CENPE: variants seen among roughly 807,000 people sequenced by gnomAD.
CENPE encodes centromere protein E.
Under a neutral mutation model 336.1 loss-of-function variants are expected in CENPE, and 145 were observed. The ratio of observed to expected loss-of-function variants is 0.43; its 90% confidence interval spans 0.38 to 0.50. CENPE has a LOEUF of 0.50. CENPE is among the 20% of genes least tolerant of loss of function. The pLI is 0.00. For synonymous variants in CENPE, 1,013 were observed against 984.8 expected (o/e 1.03, Z -0.54); for missense variants, 2,719 against 3,023.3 (o/e 0.90, Z 2.36).
chr4:103,112,763 T>C (rs1187858468), intron 46 of CENPE, among the ~76,000 whole-genome samples: 15 of 99,038 alleles, frequency 1.5e-4, no homozygotes, highest in African/African-American at 4.4e-4. Flanking sequence ...TGTATATATA[T>C]ACTTATAAGT....
chr4:103,194,193 C>T, intron 8 of CENPE, 36 bp downstream of exon 8: 1 of 1,532,056 alleles, frequency 6.5e-7, no homozygotes, highest in South Asian at 1.1e-5. Context: ...TTGTTTTGGC[C>T]CATACAGTAC....
Position 103,161,353 on chromosome 4 carries a change from C to T in CENPE, c.1947G>A (p.Leu649=), listed in dbSNP as rs775859844. The T allele has an allele frequency of 6.2e-7, 1 of 1,611,058 alleles. No homozygotes were observed. Among genetic ancestry groups the T allele is most frequent in the South Asian group, 1.1e-5 (1 of 90,336 alleles). ...TACTTACCATTTTCTCCTTCAGCTCCAGATTTTCACTTCTAAGAAAGGCTG... is the reference window on the plus strand; with the variant it reads ...TACTTACCATTTTCTCCTTCAGCTCTAGATTTTCACTTCTAAGAAAGGCTG... The part of the protein sequence containing the change: ...RESAFLRSEN[L]ELKEKMKELA... Residue 649 remains leucine, a synonymous_variant, in exon 19 of 49, where the codon CTG becomes CTA. Transcript: ENST00000265148.
Position 103,161,173 on chromosome 4 carries a change from T to C in CENPE, c.2044A>G (p.Met682Val), listed in dbSNP as rs1754408478. 6.2e-7 allele frequency: 1 copy of C among 1,612,456 alleles called. No individual in the cohort carries two copies. The highest frequency in any genetic ancestry group is 1.1e-5 in the South Asian group (1 of 90,880). ...YQSQLEAKKK[M>V]QVDLEKELQS... ...AATTCTTTCTCCAGATCAACTTGCA[T>C]TTTCTTTTTTGCCTCCAACTGGCTT... The change falls in exon 20 of 49, where the codon ATG becomes GTG. Residue 682 changes from methionine to valine, a missense_variant. Transcript: ENST00000265148.
chr4:103,186,032 T>C (rs1038283340), intron 8 of CENPE, among the ~76,000 whole-genome samples, 171 bp from the exon 9 acceptor site: 1 of 152,232 alleles, frequency 6.6e-6, no homozygotes, highest in African/African-American at 2.4e-5. Context: ...AACTGTTCTC[T>C]ATCTGTTCCT....
At position 103,144,573 on chromosome 4, in the gene CENPE, CTGT is replaced by C; in HGVS notation, c.4900_4902del (p.Thr1634del). On this transcript the variant is annotated inframe_deletion, in exon 33 of 49. Transcript: ENST00000265148. ...ATTTTCTCCTGAGTCTCATTGACAG[CTGT>C]CATCTTAAGAAACTGATATTCTTTT... 6.2e-7 allele frequency: 1 copy of C among 1,612,370 alleles called. No individual in the cohort carries two copies. Among genetic ancestry groups the C allele is most frequent in the Non-Finnish European group, 8.5e-7 (1 of 1,179,004 alleles).
At chr4:103,163,608 C>CAAAAAAAAAAAAAAG in intron 16 of CENPE, 55 bp from the exon 17 acceptor site, 1 of 300,222 alleles carries the variant, frequency 3.3e-6, no homozygotes. Flanking sequence ...TAAAGCAAAG[C>CAAAAAAAAAAAAAAG]AAAAAAAAAA....
At position 103,126,696 on chromosome 4, in the gene CENPE, C is replaced by T. The variant is rs1751135382; in HGVS notation, c.6925-3607G>A. Among the ~76,000 whole-genome samples, 3 of 151,940 alleles carry T rather than the reference C, an allele frequency of 2.0e-5. No individual in the cohort carries two copies. The South Asian group carries it at 6.2e-4, about 32-fold the overall frequency. The stretch of plus-strand genomic sequence containing the variant: ...CTTAGTGGAAAAAGCAGACGACTTG[C>T]AAGAACAAATAAACAATGTAAGAAG... On this transcript the variant is annotated intron_variant, in intron 42 of 48. Coordinates refer to ENST00000265148, the MANE Select transcript of CENPE (RefSeq NM_001813.3).
intron 16 of CENPE, among the ~76,000 whole-genome samples, chr4:103,173,630 T>TTTGC (rs1212496499): frequency 4.0e-5 from 6 of 151,410 alleles, no homozygotes; most frequent in Non-Finnish European, 5.9e-5. Flanking sequence ...TTGCAAAATA[T>TTTGC]ACATCTGACA....
At chr4:103,144,815 T>C (rs1752873332) in intron 32 of CENPE, among the ~76,000 whole-genome samples, 197 bp from the exon 33 acceptor site, 1 of 152,202 alleles carries the variant, frequency 6.6e-6, no homozygotes, top group South Asian at 2.1e-4. Flanking sequence ...TAATTCACCA[T>C]CAGAATTTCC....
intron 40 of CENPE, 88 bp downstream of exon 40, chr4:103,136,053 C>A: frequency 1.8e-6 from 2 of 1,097,796 alleles, no homozygotes; most frequent in African/African-American, 1.6e-5. Flanking sequence ...TACTAAATAG[C>A]AAATATGCCG....
At chr4:103,130,670 T>C (rs1751504593) in intron 42 of CENPE, among the ~76,000 whole-genome samples, 1 of 152,128 alleles carries the variant, frequency 6.6e-6, no homozygotes, top group Non-Finnish European at 1.5e-5. Flanking sequence ...AAAGTTTATA[T>C]GGAGAGGCAA....
At chr4:103,182,729 C>T (rs1756427385) in intron 11 of CENPE, 33 bp downstream of exon 11, 2 of 1,537,588 alleles carry the variant, frequency 1.3e-6, no homozygotes, top group African/African-American at 1.4e-5. Flanking sequence ...CTGATCTTCC[C>T]CTATATTAAG....
At chr4:103,150,624 C>T (rs2125941600) in intron 26 of CENPE, among the ~76,000 whole-genome samples, 1 of 151,944 alleles carries the variant, frequency 6.6e-6, no homozygotes, top group South Asian at 2.1e-4. Flanking sequence ...AAATATTCCA[C>T]AGAATAATAA....
rs368114853 is a variant in CENPE at position 103,174,895 on chromosome 4, T to C, written c.1488A>G (p.Ile496Met). 3 of 1,458,424 alleles carry C rather than the reference T, an allele frequency of 2.1e-6. No homozygotes were observed. Among genetic ancestry groups the C allele is most frequent in the Non-Finnish European group, 2.7e-6 (3 of 1,105,562 alleles). The allele number at this position is 1,458,424 out of a possible 1,614,324, so 90.3% of individuals were successfully genotyped here. Residue 496 changes from isoleucine (I) to methionine (M), a missense_variant, in exon 16 of 49, where the codon ATA becomes ATG. Ile to Met is a conservative substitution (Grantham distance 10). Transcript: ENST00000265148. The stretch of plus-strand genomic sequence containing the variant: ...CACGAAGTGAGTTCAACTCACTTTC[T>C]ATATTCTCCTATTATAAACAAGAAC... ...PATKLLNQEN[I>M]ESELNSLRAD...
chr4:103,190,461 A>C (rs911282431), intron 8 of CENPE, among the ~76,000 whole-genome samples: 17 of 152,226 alleles, frequency 1.1e-4, no homozygotes, highest in East Asian at 3.9e-4. Context: ...ACCAATGGAA[A>C]GGAACAGAGC....
At chr4:103,196,686 T>C (rs1755290364) in intron 2 of CENPE, 73 bp downstream of exon 2, 1 of 730,002 alleles carries the variant, frequency 1.4e-6, no homozygotes, top group Non-Finnish European at 2.3e-6. Context: ...AAATCTAATA[T>C]TATTGATAAG....
At chr4:103,148,162 T>C (rs1352914035) in intron 28 of CENPE, among the ~76,000 whole-genome samples, 1 of 152,208 alleles carries the variant, frequency 6.6e-6, no homozygotes, top group East Asian at 1.9e-4. Flanking sequence ...TCTGTCATAC[T>C]TTTCTTTCTT....
At chr4:103,168,749 C>G (rs1173430476) in intron 16 of CENPE, among the ~76,000 whole-genome samples, 1 of 152,186 alleles carries the variant, frequency 6.6e-6, no homozygotes, top group Non-Finnish European at 1.5e-5. Context: ...GGAATAAGAA[C>G]AGCTCTGCCC....
chr4:103,113,558 A>G (rs1414623766), intron 46 of CENPE, among the ~76,000 whole-genome samples: 1 of 141,842 alleles, frequency 7.1e-6, no homozygotes, highest in Non-Finnish European at 1.5e-5. Flanking sequence ...AATATATAAT[A>G]TATAAGTAAT....
Sources: allele counts gnomAD v4.1 joint callset (sites outside exome capture counted in the v4.1 genomes callset), GRCh38; gene constraint gnomAD v4.1.1; transcripts MANE v1.5; gene names NCBI Gene and HGNC (gene_info 2026-07-23, HGNC 2026-07-21).